Variants in POSTN observed in about 807,000 individuals in gnomAD.
POSTN encodes the protein periostin.
A neutral mutation model predicts 104.5 loss-of-function variants in POSTN; 71 were observed. The ratio of observed to expected loss-of-function variants is 0.68; its 90% confidence interval spans 0.56 to 0.83. The LOEUF (loss-of-function observed/expected upper bound fraction) is 0.83. POSTN is among the 40% of genes least tolerant of loss of function. The pLI, the probability that POSTN is intolerant of heterozygous loss-of-function variation, is 0.00. For synonymous variants in POSTN, 355 were observed against 340.7 expected (o/e 1.04, Z -0.46); for missense variants, 949 against 1,006.8 (o/e 0.94, Z 0.78).
At chr13:37,569,629 G>T in intron 20 of POSTN, 115 bp downstream of exon 20, 1 of 919,750 alleles carries the variant, frequency 1.1e-6, no homozygotes, top group Non-Finnish European at 1.8e-6. Context: ...TTTCTTGTTG[G>T]TATGGAAATG....
chr13:37,589,175 A>G (rs913451255), intron 4 of POSTN, among the ~76,000 whole-genome samples: 18 of 152,262 alleles, frequency 1.2e-4, no homozygotes, highest in Admixed American at 9.2e-4. Context: ...ATGCTAAGAT[A>G]AACAATAGAA....
chr13:37,576,084 C>A (rs568207722), intron 16 of POSTN, among the ~76,000 whole-genome samples: 11 of 152,158 alleles, frequency 7.2e-5, no homozygotes, highest in Admixed American at 1.3e-4. Flanking sequence ...AGGTGAAGCT[C>A]TGAGGATTAA....
rs1950898251 is a variant in POSTN, at chr13:37,590,521, T to C, written c.292A>G (p.Ile98Val). 2.5e-6 allele frequency: 4 copies of C among 1,610,298 alleles called. No individual in the cohort carries two copies. Among genetic ancestry groups the C allele is most frequent in the Non-Finnish European group, 3.4e-6 (4 of 1,177,474 alleles). ...CCCAGAGTGCCATAAACATGGTCAA[T>C]GGGCAAAACTGAAATAATCAAGAAA... ...GMKGCPAVLPIDHVYGTLGIV... is the reference protein window; with the variant it reads ...GMKGCPAVLPVDHVYGTLGIV... The change falls in exon 4 of 23, where the codon ATT becomes GTT. Residue 98 changes from isoleucine to valine, a missense_variant. Coordinates refer to ENST00000379747, the MANE Select transcript of POSTN (RefSeq NM_006475.3).
At chr13:37,578,607 C>T (rs1304657267) in intron 15 of POSTN, among the ~76,000 whole-genome samples, 2 of 151,744 alleles carry the variant, frequency 1.3e-5, no homozygotes, top group East Asian at 1.9e-4. Flanking sequence ...ACCATCCTGG[C>T]GAACACAGTG....
At chr13:37,569,925 G>A (rs916482994) in intron 19 of POSTN, 104 bp from the exon 20 acceptor site, 4 of 735,380 alleles carry the variant, frequency 5.4e-6, no homozygotes, top group African/African-American at 5.3e-5. Flanking sequence ...TGTAGTCTGT[G>A]TTGCCATTGT....
Position 37,579,939 on chromosome 13 carries a change from G to C in POSTN, c.1582C>G (p.Pro528Ala). 6.2e-7 allele frequency: 1 copy of C among 1,613,466 alleles called. No homozygotes were observed. The highest frequency in any genetic ancestry group is 8.5e-7 in the Non-Finnish European group (1 of 1,179,446). Residue 528 changes from proline (P) to alanine (A), a missense_variant, in exon 12 of 23, where the codon CCT (proline) becomes GCT (alanine). By Grantham distance (27) the Pro-to-Ala change is conservative. Coordinates refer to ENST00000379747, the MANE Select transcript of POSTN (RefSeq NM_006475.3). ...GGCACAAATAATGTCCAGTCTCCAG[G>C]TTGTGTCAGGAGCTCTTTCAAGTCT... is the stretch of plus-strand genomic sequence containing the variant. The part of the protein sequence containing the change: ...AADLKELLTQ[P>A]GDWTLFVPTN...
At position 37,567,235 on chromosome 13, in the gene POSTN, C is replaced by CAAAAAAAAAAAAAAAA. The variant is rs71093694; in HGVS notation, c.2431+2049_2431+2064dup. ...TGGGCGACAGAGCGAGACTCCGTCT[C>CAAAAAAAAAAAAAAAA]AAAAAAAAAAAAAAAAAATGTACTA... On this transcript the variant is annotated intron_variant, in intron 21 of 22. Transcript: ENST00000379747. Among the ~76,000 whole-genome samples, 107 of 36,788 alleles carry CAAAAAAAAAAAAAAAA rather than the reference C, an allele frequency of 2.9e-3. 1 individual carries two copies. The highest frequency in any genetic ancestry group is 7.6e-3 in the African/African-American group (57 of 7,466). 24.1% of individuals were successfully genotyped at this position (36,788 alleles called of 152,430 possible).
At chr13:37,590,076 T>A (rs1428170266) in intron 4 of POSTN, among the ~76,000 whole-genome samples, 2 of 152,102 alleles carry the variant, frequency 1.3e-5, no homozygotes, top group Admixed American at 6.6e-5. Context: ...TACATACATA[T>A]CCTCACAAAC....
chr13:37,569,235 C>A (rs1283862467), intron 21 of POSTN, 65 bp downstream of exon 21: 32 of 1,178,716 alleles, frequency 2.7e-5, no homozygotes, highest in Non-Finnish European at 3.3e-5. Flanking sequence ...CTTGCTCAGT[C>A]TTTAAAAAGT....
Position 37,569,314 on chromosome 13 carries a change from CT to C in POSTN, c.2416del (p.Arg806AspfsTer9). ...CTTTTACTAACCTCCCTGAAGCAGT[CT>C]TTTAATTTCTTCATCTTCAAATAAA... ...GHLFEDEEIK[R>X]LLQGDTPVRK... On this transcript the variant is annotated frameshift_variant, in exon 21 of 23. Coordinates refer to ENST00000379747, the MANE Select transcript of POSTN (RefSeq NM_006475.3). LOFTEE classifies it high-confidence loss of function. 1 of 1,612,148 alleles carries C rather than the reference CT, an allele frequency of 6.2e-7. No individual in the cohort carries two copies. Among genetic ancestry groups the C allele is most frequent in the South Asian group, 1.1e-5 (1 of 91,018 alleles).
At chr13:37,586,987 A>G in intron 5 of POSTN, 59 bp from the exon 6 acceptor site, 2 of 1,496,586 alleles carry the variant, frequency 1.3e-6, no homozygotes, top group Non-Finnish European at 9.2e-7. Flanking sequence ...GACCACTGAG[A>G]CTGCAAGCCC....
chr13:37,580,059 T>A, intron 11 of POSTN, 68 bp from the exon 12 acceptor site: 1 of 1,393,170 alleles, frequency 7.2e-7, no homozygotes, highest in East Asian at 2.3e-5. Flanking sequence ...ACAGTGCATG[T>A]AATAGAATAG....
chr13:37,584,564 G>C, intron 8 of POSTN, 152 bp downstream of exon 8: 1 of 665,420 alleles, frequency 1.5e-6, no homozygotes, highest in Non-Finnish European at 2.5e-6. Flanking sequence ...TCTATGGAGT[G>C]CTCAAGTAGC....
chr13:37,595,959 C>T (rs911367109), intron 2 of POSTN, among the ~76,000 whole-genome samples: 2 of 151,538 alleles, frequency 1.3e-5, no homozygotes, highest in Admixed American at 1.3e-4. Flanking sequence ...CCACCACATC[C>T]GGCTAATTTT....
chr13:37,590,641 C>T, intron 3 of POSTN, 112 bp from the exon 4 acceptor site: 1 of 848,938 alleles, frequency 1.2e-6, no homozygotes, highest in Middle Eastern at 3.5e-4. Context: ...ATAATTTTAG[C>T]AATACAATTA....
At chr13:37,579,713 C>T in intron 12 of POSTN, 148 bp downstream of exon 12, 1 of 889,860 alleles carries the variant, frequency 1.1e-6, no homozygotes, top group Non-Finnish European at 1.7e-6. Flanking sequence ...TCCACACATC[C>T]CAAGTGGACG....
At position 37,586,129 on chromosome 13, in the gene POSTN, A is replaced by G; in HGVS notation, c.895+10T>C. ...TGGGAGACTCCTTAGAGATGAAGAC[A>G]TTAAACTACCTTCGGAAGCCACTTT... On this transcript the variant is annotated intron_variant, in intron 7 of 22. Transcript: ENST00000379747. 1 of 1,608,678 alleles carries G rather than the reference A, an allele frequency of 6.2e-7. No individual in the cohort carries two copies. Among genetic ancestry groups the G allele is most frequent in the East Asian group, 2.2e-5 (1 of 44,828 alleles).
rs776411521 is a variant in POSTN, at chr13:37,580,008, T to C, written c.1530-17A>G. ...AGGAAGGTGCTAAGTGGGAAGAATG[T>C]ATATGTATTTTGTCAGATTTAGATT... On this transcript the variant is annotated splice_polypyrimidine_tract_variant and intron_variant, in intron 11 of 22. Transcript: ENST00000379747. 1.9e-6 allele frequency: 3 copies of C among 1,608,282 alleles called. No homozygotes were observed. Among genetic ancestry groups the C allele is most frequent in the Non-Finnish European group, 2.6e-6 (3 of 1,176,316 alleles).
In POSTN at chr13:37,563,187, A is replaced by G. The variant is rs1949982978; in HGVS notation, c.*146T>C. The G allele has an allele frequency of 2.2e-6, 1 of 458,394 alleles. No homozygotes were observed. Among genetic ancestry groups the G allele is most frequent in the Non-Finnish European group, 3.9e-6 (1 of 258,556 alleles). 28.4% of individuals were successfully genotyped at this position (458,394 alleles called of 1,614,324 possible). On this transcript the variant is annotated 3_prime_UTR_variant, in exon 23 of 23. Coordinates refer to ENST00000379747, the MANE Select transcript of POSTN (RefSeq NM_006475.3). ...TCATGTTTCTCATTCAGAAAAAAAA[A>G]TATTAAATTTGTGTTCAGAATTATT...
Sources: allele counts gnomAD v4.1 joint callset (sites outside exome capture counted in the v4.1 genomes callset), GRCh38; gene constraint gnomAD v4.1.1; transcripts MANE v1.5; gene names NCBI Gene and HGNC (gene_info 2026-07-23, HGNC 2026-07-21).